Variants in NRXN3 observed in about 807,000 individuals in gnomAD.
NRXN3 encodes neurexin III.
Under a neutral mutation model 137.6 loss-of-function variants are expected in NRXN3, and 32 were observed. That is an observed-to-expected ratio of 0.23 (90% CI 0.18 to 0.31). NRXN3 has a LOEUF of 0.31. Among genes scored for constraint, NRXN3 ranks in the 10% least tolerant of loss-of-function variants. The pLI is 1.00. For missense variants in NRXN3, 1,574 were observed against 2,062.5 expected, an observed-to-expected ratio of 0.76 and a Z score of 4.59; for synonymous variants, 798 against 784.5, an observed-to-expected ratio of 1.02 and a Z score of -0.29.
At chr14:78,572,692 T>G (rs1353143008) in intron 4 of NRXN3, among the ~76,000 whole-genome samples, 5 of 152,214 alleles carry the variant, frequency 3.3e-5, no homozygotes, top group African/African-American at 7.2e-5. Context: ...ACAGCAGAAC[T>G]TCCAGAAAAC....
intron 5 of NRXN3, among the ~76,000 whole-genome samples, chr14:78,648,095 C>T (rs931744135): frequency 6.6e-6 from 1 of 152,270 alleles, no homozygotes; most frequent in Admixed American, 6.5e-5. Context: ...CAGGTCAGGA[C>T]CAAGGCCAGG....
chr14:79,125,920 AC>A (rs1253729091), intron 15 of NRXN3, among the ~76,000 whole-genome samples: 1 of 151,882 alleles, frequency 6.6e-6, no homozygotes, highest in African/African-American at 2.4e-5. Flanking sequence ...CGCTTATGCA[AC>A]TCCTTTCGTT....
chr14:79,128,798 A>G (rs1404325352), intron 15 of NRXN3, among the ~76,000 whole-genome samples: 1 of 151,876 alleles, frequency 6.6e-6, no homozygotes, highest in Non-Finnish European at 1.5e-5. Context: ...CTGTGAATCC[A>G]TCTGGTCCTG....
chr14:79,772,474 A>T (rs905729100), intron 19 of NRXN3, among the ~76,000 whole-genome samples: 1 of 152,142 alleles, frequency 6.6e-6, no homozygotes, highest in Non-Finnish European at 1.5e-5. Flanking sequence ...ATAATGCCGC[A>T]TATCTACAAC....
At chr14:79,337,485 T>C (rs955954288) in intron 15 of NRXN3, among the ~76,000 whole-genome samples, 1 of 152,208 alleles carries the variant, frequency 6.6e-6, no homozygotes, top group East Asian at 1.9e-4. Flanking sequence ...GGCGATATAT[T>C]GCTTTCTTCC....
chr14:79,748,443 A>G (rs114797476), intron 19 of NRXN3, among the ~76,000 whole-genome samples: 2,101 of 152,148 alleles, frequency 0.014, 50 homozygotes, highest in African/African-American at 0.048. Context: ...AGAGATAGAG[A>G]TGTTCCATGT....
rs568991908 is a variant in NRXN3 at position 79,624,330 on chromosome 14, G to C, written c.3445-39448G>C. On this transcript the variant is annotated intron_variant, in intron 16 of 20. Transcript: ENST00000335750. ...CATTGGTTCACAGGAAGACCAAAGA[G>C]TGACAAGAGAAAAATGTTTCCATTT... Among the ~76,000 whole-genome samples, 11 of 152,254 alleles carry C rather than the reference G, an allele frequency of 7.2e-5. 1 individual carries two copies. In the East Asian group the frequency reaches 2.1e-3, roughly 29 times the overall value.
At chr14:79,100,998 C>T (rs1299676329) in intron 15 of NRXN3, among the ~76,000 whole-genome samples, 1 of 152,118 alleles carries the variant, frequency 6.6e-6, no homozygotes, top group Non-Finnish European at 1.5e-5. Context: ...TTAATAATCC[C>T]TTGATCTTTA....
chr14:79,455,886 A>C (rs898990340), intron 15 of NRXN3, among the ~76,000 whole-genome samples: 2 of 151,896 alleles, frequency 1.3e-5, no homozygotes, highest in Admixed American at 1.3e-4. Context: ...ATCATCAAAA[A>C]CCATCTTATT....
At position 78,243,376 on chromosome 14, in the gene NRXN3, G is replaced by A. The variant is rs543953600; in HGVS notation, c.283G>A (p.Glu95Lys). ...GCTCCGCTTCAGCATGGACTGTGCC[G>A]AGACTGCCGTGCTGTCCAACAAGCA... ...VQLRFSMDCAETAVLSNKQVN... is the reference protein window; with the variant it reads ...VQLRFSMDCAKTAVLSNKQVN... Residue 95 changes from glutamate to lysine, a missense_variant, in exon 2 of 21, where the codon GAG (glutamate) becomes AAG (lysine). Glu to Lys is a moderately conservative substitution (Grantham distance 56). This residue lies in a region of NRXN3 where 400 missense variants were observed against 527.3 expected (regional missense o/e 0.76). Transcript: ENST00000335750. The surrounding 1 kb of genome is among the most constrained non-coding windows in gnomAD (Gnocchi z 4.2). The A allele has an allele frequency of 1.5e-5, 23 of 1,564,778 alleles. No homozygotes were observed. The South Asian group carries it at 1.5e-4, about 10-fold the overall frequency.
At chr14:78,952,507 G>A (rs2099389024) in intron 10 of NRXN3, among the ~76,000 whole-genome samples, 1 of 152,118 alleles carries the variant, frequency 6.6e-6, no homozygotes, top group African/African-American at 2.4e-5. Context: ...GTGATGCTAT[G>A]GGCTTAGTGA....
intron 20 of NRXN3, among the ~76,000 whole-genome samples, chr14:79,811,420 A>G (rs778415111): frequency 1.3e-5 from 2 of 152,186 alleles, no homozygotes; most frequent in Non-Finnish European, 2.9e-5. Flanking sequence ...TTGTTCACAT[A>G]CTTAGGTCTA....
chr14:79,380,402 G>A (rs560531394), intron 15 of NRXN3, among the ~76,000 whole-genome samples: 37 of 141,688 alleles, frequency 2.6e-4, no homozygotes, highest in Middle Eastern at 3.7e-3. Flanking sequence ...CTGTGTCCAT[G>A]TGTTCTCATT....
intron 8 of NRXN3, among the ~76,000 whole-genome samples, chr14:78,779,255 TTAAAGA>T (rs1280712257): frequency 2.0e-5 from 3 of 151,928 alleles, no homozygotes; most frequent in Admixed American, 6.6e-5. Context: ...AATAATGATA[TTAAAGA>T]TAAAGGAACA....
At chr14:79,421,483 C>T (rs576090473) in intron 15 of NRXN3, among the ~76,000 whole-genome samples, 2 of 152,194 alleles carry the variant, frequency 1.3e-5, no homozygotes, top group South Asian at 4.1e-4. Context: ...GGCAAAATGT[C>T]CTGGTAGTGT....
intron 4 of NRXN3, among the ~76,000 whole-genome samples, chr14:78,625,212 A>G (rs61976103): frequency 0.097 from 14,792 of 152,236 alleles, 1,033 homozygotes; most frequent in African/African-American, 0.19. Context: ...TATGAAGAAT[A>G]CATTTTTTTA....
chr14:79,861,071 G>T lies in NRXN3; in HGVS notation c.4094-271G>T. 1 of 1,419,658 alleles carries T rather than the reference G, an allele frequency of 7.0e-7. No individual in the cohort carries two copies. Among genetic ancestry groups the T allele is most frequent in the Non-Finnish European group, 9.2e-7 (1 of 1,089,402 alleles). The allele number at this position is 1,419,658 out of a possible 1,614,324, so 87.9% of individuals were successfully genotyped here. On this transcript the variant is annotated intron_variant, in intron 20 of 20. Transcript: ENST00000335750. The surrounding 1 kb of genome is among the most constrained non-coding windows in gnomAD (Gnocchi z 5.4). ...ATTAGTTATCCCTCTTCTTGTAGAA[G>T]ACCCTTTAGCTACCCCTCCTATTGC...
intron 19 of NRXN3, among the ~76,000 whole-genome samples, chr14:79,765,867 A>C (rs186034864): frequency 6.6e-6 from 1 of 152,366 alleles, no homozygotes; most frequent in Admixed American, 6.5e-5. Context: ...TCTTTCAAAA[A>C]GTTTTGTAAA....
At chr14:78,878,101 T>C (rs924070548) in intron 10 of NRXN3, among the ~76,000 whole-genome samples, 3 of 152,170 alleles carry the variant, frequency 2.0e-5, no homozygotes, top group African/African-American at 7.2e-5. Flanking sequence ...GAGTAGGTCA[T>C]GCAAATCATC....
Sources: gnomAD v4.1 joint callset for allele counts (sites outside exome capture counted in the v4.1 genomes callset) on GRCh38, gnomAD v4.1.1 for gene constraint, gnomAD v4.1.1 regional missense constraint, Gnocchi (gnomAD v3.1) non-coding constraint, MANE v1.5 for transcripts, NCBI Gene and HGNC (gene_info 2026-07-23, HGNC 2026-07-21) for gene names.